Variants in LRRFIP1 observed in about 807,000 individuals in gnomAD.
LRRFIP1 encodes the protein LRR binding FLII interacting protein 1.
A neutral mutation model predicts 104.4 loss-of-function variants in LRRFIP1; 62 were observed. The ratio of observed to expected loss-of-function variants is 0.59; its 90% CI spans 0.48 to 0.73. LRRFIP1 has a LOEUF of 0.73. Ranked by LOEUF, LRRFIP1 falls within the 30% of genes least tolerant of loss-of-function variation. LRRFIP1 has a pLI of 0.00. For synonymous variants in LRRFIP1, 300 were observed against 299.0 expected, an observed-to-expected ratio of 1.00 and a Z score of -0.03; for missense variants, 796 against 824.5, an observed-to-expected ratio of 0.97 and a Z score of 0.42.
At chr2:237,680,052 C>T (rs1314941278) in intron 1 of LRRFIP1, among the ~76,000 whole-genome samples, 1 of 152,214 alleles carries the variant, frequency 6.6e-6, no homozygotes, top group Non-Finnish European at 1.5e-5. Context: ...AATACCTTGT[C>T]TCTGAACAAG....
rs1166752133 is a variant in LRRFIP1 at position 237,691,121 on chromosome 2, G to T, written c.97-17423G>T. On this transcript the variant is annotated intron_variant, in intron 1 of 23. Transcript: ENST00000308482. The surrounding 1 kb of genome is among the most constrained non-coding windows in gnomAD (Gnocchi z 5.4). ...TCACGTTACCAAGTTGGGTCAGCGT[G>T]CAGAGAAAAGGGAATTGGGAATTGG... is the stretch of plus-strand genomic sequence containing the variant. Among the ~76,000 whole-genome samples the T allele has an allele frequency of 6.6e-6, 1 of 151,840 alleles. No homozygotes were observed. The highest frequency in any genetic ancestry group is 6.5e-5 in the Admixed American group (1 of 15,270).
chr2:237,769,850 C>T, intron 19 of LRRFIP1, 93 bp from the exon 20 acceptor site: 1 of 933,404 alleles, frequency 1.1e-6, no homozygotes, highest in Admixed American at 2.0e-5. Context: ...TCATTCATTT[C>T]ACTAACCTGA....
chr2:237,722,092 T>C (rs1367241605), intron 6 of LRRFIP1: 1 of 152,222 alleles, frequency 6.6e-6, no homozygotes, highest in Admixed American at 6.5e-5. Flanking sequence ...AAGAAAATGC[T>C]GTTTCAGGGA....
chr2:237,755,682 C>T (rs1305425836), intron 15 of LRRFIP1, among the ~76,000 whole-genome samples: 1 of 152,160 alleles, frequency 6.6e-6, no homozygotes, highest in East Asian at 1.9e-4. Context: ...GCCTGTAATC[C>T]CAACACTTTG....
intron 11 of LRRFIP1, among the ~76,000 whole-genome samples, chr2:237,743,690 G>A (rs2057417595): frequency 1.3e-5 from 2 of 151,788 alleles, no homozygotes; most frequent in Non-Finnish European, 2.9e-5. Context: ...CAGCCCTCAT[G>A]GGACGCACAG....
intron 14 of LRRFIP1, among the ~76,000 whole-genome samples, chr2:237,752,748 A>G (rs2150691218): frequency 6.6e-6 from 1 of 152,292 alleles, no homozygotes; most frequent in Middle Eastern, 3.4e-3. Flanking sequence ...TCTTTCCAGG[A>G]CCTACCCAGT....
At position 237,753,418 on chromosome 2, in the gene LRRFIP1, T is replaced by C. The variant is rs781375615; in HGVS notation, c.977T>C (p.Met326Thr). 18 of 1,604,484 alleles carry C rather than the reference T, an allele frequency of 1.1e-5. No homozygotes were observed. The highest frequency in any genetic ancestry group is 3.4e-5 in the South Asian group (3 of 88,524). ...TACCAGGTTGATACCCTAAAAGATA[T>C]GTTGCTGGAGCTTGAAGAACAGCTG... ...FMYQVDTLKD[M>T]LLELEEQLAE... Residue 326 changes from methionine (M) to threonine (T), a missense_variant, in exon 15 of 24, where the codon ATG becomes ACG. Met to Thr is a moderately conservative substitution (Grantham distance 81). Transcript: ENST00000308482.
intron 1 of LRRFIP1, among the ~76,000 whole-genome samples, chr2:237,631,623 G>A (rs913659449): frequency 1.1e-4 from 17 of 152,138 alleles, no homozygotes; most frequent in Admixed American, 7.2e-4. Context: ...TGTTTCCAAC[G>A]CAGATAGATT....
chr2:237,745,085 A>T (rs1223958435), intron 11 of LRRFIP1, among the ~76,000 whole-genome samples: 1 of 152,230 alleles, frequency 6.6e-6, no homozygotes, highest in Non-Finnish European at 1.5e-5. Flanking sequence ...ACAACATCTG[A>T]TTCCTTACCT....
chr2:237,630,970 C>T (rs971874028), intron 1 of LRRFIP1, among the ~76,000 whole-genome samples: 1 of 152,206 alleles, frequency 6.6e-6, no homozygotes, highest in African/African-American at 2.4e-5. Flanking sequence ...TCTGTCTGGC[C>T]ACTCCTGCAC....
chr2:237,706,177 C>T (rs1404377543), intron 1 of LRRFIP1, among the ~76,000 whole-genome samples: 1 of 151,956 alleles, frequency 6.6e-6, no homozygotes, highest in Non-Finnish European at 1.5e-5. Context: ...ACCCAGAATT[C>T]CACGTTCCCA....
At chr2:237,751,002 A>G (rs1293154994) in intron 13 of LRRFIP1, among the ~76,000 whole-genome samples, 198 bp from the exon 14 acceptor site, 1 of 152,246 alleles carries the variant, frequency 6.6e-6, no homozygotes, top group Non-Finnish European at 1.5e-5. Context: ...GTATAAAATC[A>G]TGTAAAAATA....
intron 15 of LRRFIP1, among the ~76,000 whole-genome samples, chr2:237,755,497 G>C (rs1369887398): frequency 7.9e-5 from 12 of 152,190 alleles, no homozygotes; most frequent in Non-Finnish European, 1.6e-4. Flanking sequence ...AGGCTCCCTG[G>C]GGGGGCCCTT....
chr2:237,706,882 G>A (rs569851108), intron 1 of LRRFIP1, among the ~76,000 whole-genome samples: 2 of 152,170 alleles, frequency 1.3e-5, no homozygotes, highest in Admixed American at 6.5e-5. Context: ...ACCTGCCACC[G>A]CCTTCCAAAG....
chr2:237,724,124 G>C (rs764851479), intron 7 of LRRFIP1, among the ~76,000 whole-genome samples: 4 of 149,560 alleles, frequency 2.7e-5, no homozygotes, highest in Admixed American at 6.7e-5. Context: ...TAAGGCTTTA[G>C]ACATAAACTC....
intron 1 of LRRFIP1, among the ~76,000 whole-genome samples, chr2:237,697,166 G>A (rs1316972143): frequency 6.6e-6 from 1 of 152,094 alleles, no homozygotes; most frequent in African/African-American, 2.4e-5. Context: ...GGGACTACAG[G>A]TGCCTGCCAC....
rs781195066 is a variant in LRRFIP1, at chr2:237,735,322, G to A, written c.544G>A (p.Gly182Ser). ...TGGGACCCGACGGGGCAGCACCTCC[G>A]GCTCCCGTGCTGTAAGGCGCTTTCG... ...FGGTRRGSTS[G>S]SRAPSEYSGH... The change falls in exon 10 of 24, where the codon GGC becomes AGC. Residue 182 changes from glycine (G) to serine (S), a missense_variant. By Grantham distance (56) the Gly-to-Ser change is moderately conservative (BLOSUM62 0). Transcript: ENST00000308482. This position sits in a 1 kb window ranked among gnomAD's most constrained non-coding sequence, Gnocchi z 4.6. 1.9e-5 allele frequency: 31 copies of A among 1,613,254 alleles called. No individual in the cohort carries two copies. The highest frequency in any genetic ancestry group is 3.3e-4 in the Middle Eastern group (2 of 6,060).
At chr2:237,683,076 A>G (rs1483664097) in intron 1 of LRRFIP1, among the ~76,000 whole-genome samples, 2 of 152,250 alleles carry the variant, frequency 1.3e-5, no homozygotes, top group Admixed American at 1.3e-4. Flanking sequence ...TGCAATGCAC[A>G]GGACAGCCGC....
At chr2:237,700,652 T>G (rs989043097) in intron 1 of LRRFIP1, among the ~76,000 whole-genome samples, 8 of 152,176 alleles carry the variant, frequency 5.3e-5, no homozygotes, top group Non-Finnish European at 1.0e-4. Flanking sequence ...CCATCTGACA[T>G]CTGAGGAGAG....
Sources: gnomAD v4.1 joint callset for allele counts (sites outside exome capture counted in the v4.1 genomes callset) on GRCh38, gnomAD v4.1.1 for gene constraint, Gnocchi (gnomAD v3.1) non-coding constraint, MANE v1.5 for transcripts, NCBI Gene and HGNC (gene_info 2026-07-23, HGNC 2026-07-21) for gene names.